The following PLIN4 variants were observed in gnomAD, a reference collection of about 807,000 sequenced individuals.
PLIN4 encodes the protein perilipin 4, also known as perilipin-4.
In PLIN4, 57 loss-of-function variants were observed where a neutral mutation model predicts 52.4. That is an observed-to-expected ratio of 1.09 (90% CI 0.88 to 1.36). The LOEUF (loss-of-function observed/expected upper bound fraction) is 1.36. Among genes scored for constraint, PLIN4 ranks in the 40% most tolerant of loss-of-function variants. The probability of loss-of-function intolerance (pLI) is 0.00; values close to 1 mark genes in which losing one functional copy is unlikely to be tolerated. For missense variants in PLIN4, 1,757 were observed against 1,770.3 expected, an observed-to-expected ratio of 0.99 and a Z score of 0.13; for synonymous variants, 826 against 785.4, an observed-to-expected ratio of 1.05 and a Z score of -0.86.
chr19:4,511,457 C>A lies in PLIN4; in HGVS notation c.2503G>T (p.Gly835Trp), dbSNP rs764521000. The change falls in exon 5 of 8, where the codon GGG becomes TGG. Residue 835 changes from glycine (G) to tryptophan (W), a missense_variant. By Grantham distance (184) the Gly-to-Trp change is radical. This residue lies in a region of PLIN4 where 76 missense variants were observed against 109.1 expected (regional missense o/e 0.70). Transcript: ENST00000301286. The stretch of plus-strand genomic sequence containing the variant: ...GCCACGTTCGCAGCACCGGTGACCC[C>A]ACTGCAGACAGTGTCCTTGGTACCG... ...LTGTKDTVCS[G>W]VTGAANVAKG... 2.6e-6 allele frequency: 4 copies of A among 1,539,410 alleles called. No individual in the cohort carries two copies. The highest frequency in any genetic ancestry group is 3.6e-6 in the Non-Finnish European group (4 of 1,124,336).
chr19:4,505,518 C>T (rs149136389), intron 6 of PLIN4, among the ~76,000 whole-genome samples: 1 of 152,302 alleles, frequency 6.6e-6, no homozygotes, highest in East Asian at 1.9e-4. Context: ...TCACATCTGC[C>T]CCTCTCCTCG....
rs1484895641 is a variant in PLIN4 at position 4,504,775 on chromosome 19, G to A, written c.3800C>T (p.Ala1267Val). The A allele has an allele frequency of 1.3e-6, 2 of 1,599,490 alleles. No homozygotes were observed. Among genetic ancestry groups the A allele is most frequent in the Non-Finnish European group, 1.7e-6 (2 of 1,171,878 alleles). The change falls in exon 8 of 8, where the codon GCC becomes GTC. Residue 1267 changes from alanine (A) to valine (V), a missense_variant. Coordinates refer to ENST00000301286, the MANE Select transcript of PLIN4 (RefSeq NM_001367868.2). ...EDAAVQEERD[A>V]GVLSRVCGLL... ...GCCGCAGACCCTGGACAGAACCCCG[G>A]CATCCCGCTCCTGTGGGAGGAAGGC...
rs1037883220 is a variant in PLIN4, at chr19:4,512,833, C to T, written c.1127G>A (p.Gly376Asp). ...TKNTVCSGVT[G>D]AVNLAKEAIQ... ...GGCCTCTTTGGCCAAGTTCACGGCA[C>T]CGGTCACCCCACTGCAGACAGTGTT... The change falls in exon 5 of 8, where the codon GGT becomes GAT. Residue 376 changes from glycine (G) to aspartate (D), a missense_variant. By Grantham distance (94) the Gly-to-Asp change is moderately conservative (BLOSUM62 -1). Transcript: ENST00000301286. 7.0e-6 allele frequency: 11 copies of T among 1,566,446 alleles called. 2 individuals carry two copies. Among genetic ancestry groups the T allele is most frequent in the Non-Finnish European group, 9.5e-6 (11 of 1,162,974 alleles).
At position 4,513,562 on chromosome 19, in the gene PLIN4, G is replaced by C. The variant is rs535215048; in HGVS notation, c.398C>G (p.Thr133Arg). Residue 133 changes from threonine to arginine, a missense_variant, in exon 5 of 8, where the codon ACG becomes AGG. Coordinates refer to ENST00000301286, the MANE Select transcript of PLIN4 (RefSeq NM_001367868.2). ...GGLDTTRSALTGTKEVVSSGV... is the reference protein window; with the variant it reads ...GGLDTTRSALRGTKEVVSSGV... The stretch of plus-strand genomic sequence containing the variant: ...GCTGGACACCACCTCCTTGGTGCCC[G>C]TAAGTGCAGACCGAGTGGTGTCCAG... The C allele has an allele frequency of 8.1e-6, 13 of 1,606,474 alleles. No homozygotes were observed. The highest frequency in any genetic ancestry group is 1.0e-5 in the Non-Finnish European group (12 of 1,176,736).
At chr19:4,514,061 C>T (rs1039124624) in intron 4 of PLIN4, among the ~76,000 whole-genome samples, 2 of 152,242 alleles carry the variant, frequency 1.3e-5, no homozygotes, top group African/African-American at 4.8e-5. Flanking sequence ...GCAGGTCCTA[C>T]AGTTACATTT....
chr19:4,504,790 G>T lies in PLIN4; in HGVS notation c.3790-5C>A. ...CAGAACCCCGGCATCCCGCTCCTGT[G>T]GGAGGAAGGCGCAAGGTGAGTGGAG... On this transcript the variant is annotated splice_polypyrimidine_tract_variant and splice_region_variant and intron_variant, in intron 7 of 7. Transcript: ENST00000301286. 6.2e-7 allele frequency: 1 copy of T among 1,600,842 alleles called. No individual in the cohort carries two copies.
Position 4,513,713 on chromosome 19 carries a change from G to C in PLIN4, c.259-12C>G. 1 of 1,557,800 alleles carries C rather than the reference G, an allele frequency of 6.4e-7. No individual in the cohort carries two copies. The highest frequency in any genetic ancestry group is 8.7e-7 in the Non-Finnish European group (1 of 1,151,110). On this transcript the variant is annotated splice_polypyrimidine_tract_variant and intron_variant, in intron 4 of 7. Transcript: ENST00000301286. ...GCCCCGGACACCATCTGCTGAGAAA[G>C]GACACAGGTGGATCAAGAGAAGGAC... is the stretch of plus-strand genomic sequence containing the variant.
At chr19:4,506,668 C>T (rs1049713026) in intron 6 of PLIN4, among the ~76,000 whole-genome samples, 1 of 152,232 alleles carries the variant, frequency 6.6e-6, no homozygotes, top group African/African-American at 2.4e-5. Context: ...AAGCTCTTCT[C>T]TTCCTGTGGC....
intron 4 of PLIN4, among the ~76,000 whole-genome samples, chr19:4,514,803 T>TAAGGC (rs1976542681): frequency 1.3e-5 from 2 of 151,502 alleles, no homozygotes; most frequent in Admixed American, 6.6e-5. Flanking sequence ...ATCCCAGCAC[T>TAAGGC]ATGGGTGGCT....
rs59593546 is a variant in PLIN4 at position 4,512,664 on chromosome 19, T to A, written c.1296A>T (p.Thr432=). 2.6e-4 allele frequency: 391 copies of A among 1,486,554 alleles called. 53 individuals are homozygous for A. The African/African-American group carries it at 8.0e-3, about 30-fold the overall frequency. 92.1% of individuals were successfully genotyped at this position (1,486,554 alleles called of 1,614,324 possible). The change falls in exon 5 of 8, where the codon ACA becomes ACT. Residue 432 remains threonine, a synonymous_variant. Transcript: ENST00000301286. Reference sequence around the variant, plus strand: ...TCACCCCACTGCAGACGGTGTCCTTTGTACCTGTTGCGATATTTTGGGTTG... The same window carrying A: ...TCACCCCACTGCAGACGGTGTCCTTAGTACCTGTTGCGATATTTTGGGTTG... ...LNTTQNIATG[T]KDTVCSGVTG... is the part of the protein sequence containing the mutation.
intron 4 of PLIN4, 53 bp from the exon 5 acceptor site, chr19:4,513,754 A>AC: frequency 6.6e-7 from 1 of 1,510,692 alleles, no homozygotes; most frequent in South Asian, 1.3e-5. Flanking sequence ...GGTGTACTCC[A>AC]CCCCGATGTC....
Position 4,513,485 on chromosome 19 carries a change from C to A in PLIN4, c.475G>T (p.Asp159Tyr). The A allele has an allele frequency of 1.2e-6, 2 of 1,613,228 alleles. No individual in the cohort carries two copies. The highest frequency in any genetic ancestry group is 1.7e-6 in the Non-Finnish European group (2 of 1,179,836). Residue 159 changes from aspartate (D) to tyrosine (Y), a missense_variant, in exon 5 of 8, where the codon GAC becomes TAC. This residue lies in a region of PLIN4 where 332 missense variants were observed against 310.8 expected (regional missense o/e 1.07). Transcript: ENST00000301286. ...CCGGTGAGGACAGCCTTCGAGGTGT[C>A]CAGACCCCCTTGGACGGCCCCCTTA... ...MAKGAVQGGLDTSKAVLTGTK... is the reference protein window; with the variant it reads ...MAKGAVQGGLYTSKAVLTGTK...
chr19:4,513,363 G>A lies in PLIN4; in HGVS notation c.597C>T (p.Thr199=), dbSNP rs368396301. 3.7e-5 allele frequency: 59 copies of A among 1,607,256 alleles called. No individual in the cohort carries two copies. The highest frequency in any genetic ancestry group is 2.3e-4 in the South Asian group (21 of 90,480). Residue 199 remains threonine (T), a synonymous_variant, in exon 5 of 8, where the codon ACC becomes ACT. Transcript: ENST00000301286. ...CAGTAGTCACTGTGTCTTTGGTGCCGGTCAGCACAGTCTTGGTGGTGTCCA... is the reference window on the plus strand; with the variant it reads ...CAGTAGTCACTGTGTCTTTGGTGCCAGTCAGCACAGTCTTGGTGGTGTCCA... ...AGVDTTKTVL[T]GTKDTVTTGV...
At position 4,510,895 on chromosome 19, in the gene PLIN4, A is replaced by G; in HGVS notation, c.3065T>C (p.Val1022Ala). 6.2e-7 allele frequency: 1 copy of G among 1,612,682 alleles called. No individual in the cohort carries two copies. Among genetic ancestry groups the G allele is most frequent in the East Asian group, 2.2e-5 (1 of 44,840 alleles). Residue 1022 changes from valine to alanine, a missense_variant, in exon 5 of 8, where the codon GTG becomes GCG. Around this residue, in one of 7 missense-constraint regions of PLIN4, gnomAD observed 712 missense variants for 637.1 expected, o/e 1.12. Coordinates refer to ENST00000301286, the MANE Select transcript of PLIN4 (RefSeq NM_001367868.2). ...VQGGLDTTKT[V>A]LTGTKDAVSA... Reference sequence around the variant, plus strand: ...CACTGCGTCTTTGGTTCCGGTCAGCACTGTCTTGGTGGTGTCCAGGCCCCC... The same window carrying G: ...CACTGCGTCTTTGGTTCCGGTCAGCGCTGTCTTGGTGGTGTCCAGGCCCCC...
intron 2 of PLIN4, among the ~76,000 whole-genome samples, 158 bp from the exon 3 acceptor site, chr19:4,517,856 T>C (rs556460181): frequency 9.9e-4 from 151 of 152,282 alleles, no homozygotes; most frequent in Admixed American, 2.7e-3. Context: ...TTTCCACACC[T>C]GGGCAATGGG....
intron 6 of PLIN4, among the ~76,000 whole-genome samples, chr19:4,505,985 C>G (rs765072019): frequency 6.6e-6 from 1 of 152,096 alleles, no homozygotes; most frequent in Non-Finnish European, 1.5e-5. Context: ...GCTCTGACTT[C>G]GAAACACCCA....
chr19:4,504,825 C>G, intron 7 of PLIN4, 36 bp downstream of exon 7: 1 of 1,602,768 alleles, frequency 6.2e-7, no homozygotes, highest in Non-Finnish European at 8.5e-7. Context: ...GACCCATGGG[C>G]GGGGTGGGGG....
chr19:4,510,844 T>C lies in PLIN4; in HGVS notation c.3116A>G (p.Asn1039Ser), dbSNP rs1263145865. ...AGTGTGGGTGGCCCCTGTCGCCACG[T>C]TCCCTGACCCCATGAGCCCAGCGGA... The part of the protein sequence containing the change: ...AVSAGLMGSG[N>S]VATGATHTGL... Residue 1039 changes from asparagine (N) to serine (S), a missense_variant, in exon 5 of 8, where the codon AAC (asparagine) becomes AGC (serine). Around this residue, in one of 7 missense-constraint regions of PLIN4, gnomAD observed 712 missense variants for 637.1 expected, o/e 1.12. Transcript: ENST00000301286. The C allele has an allele frequency of 1.2e-6, 2 of 1,612,706 alleles. No homozygotes were observed. Among genetic ancestry groups the C allele is most frequent in the Non-Finnish European group, 8.5e-7 (1 of 1,179,056 alleles).
chr19:4,511,909 G>T lies in PLIN4; in HGVS notation c.2051C>A (p.Thr684Lys), dbSNP rs371920719. 124 of 1,604,544 alleles carry T rather than the reference G, an allele frequency of 7.7e-5. No homozygotes were observed. The highest frequency in any genetic ancestry group is 1.0e-4 in the Non-Finnish European group (121 of 1,173,738). Residue 684 changes from threonine to lysine, a missense_variant, in exon 5 of 8, where the codon ACA (threonine) becomes AAA (lysine). Physicochemically the swap from Thr to Lys is moderately conservative, Grantham distance 78. This residue lies in a region of PLIN4 where 439 missense variants were observed against 406.4 expected (regional missense o/e 1.08). Coordinates refer to ENST00000301286, the MANE Select transcript of PLIN4 (RefSeq NM_001367868.2). The part of the protein sequence containing the change: ...AVNVAKGAAQ[T>K]GVDTAKTVLT... ...CACGGTCTTGGCCGTGTCTACACCT[G>T]TCTGGGCAGCCCCTTTGGCCACATT... is the stretch of plus-strand genomic sequence containing the variant.
Sources: allele counts gnomAD v4.1 joint callset (sites outside exome capture counted in the v4.1 genomes callset), GRCh38; gene constraint gnomAD v4.1.1; regional missense constraint gnomAD v4.1.1; transcripts MANE v1.5; gene names NCBI Gene and HGNC (gene_info 2026-07-23, HGNC 2026-07-21).